Variants in STIP1 observed in about 807,000 individuals in gnomAD.
The protein encoded by STIP1 is stress induced phosphoprotein 1, also known as stress-induced-phosphoprotein 1.
STIP1 carries 16 observed loss-of-function variants against 77.4 expected under a neutral mutation model. That is an observed-to-expected ratio of 0.21 (90% CI 0.14 to 0.31). The LOEUF (loss-of-function observed/expected upper bound fraction) is 0.31. Among genes scored for constraint, STIP1 ranks in the 10% least tolerant of loss-of-function variants. The pLI is 1.00. For missense variants in STIP1, 524 were observed against 684.8 expected, an observed-to-expected ratio of 0.77 and a Z score of 2.62; for synonymous variants, 258 against 246.6, an observed-to-expected ratio of 1.05 and a Z score of -0.44.
intron 10 of STIP1, 61 bp downstream of exon 10, chr11:64,200,354 C>G: frequency 1.9e-6 from 3 of 1,548,574 alleles, no homozygotes; most frequent in African/African-American, 1.4e-5. Context: ...TGGGTTTTCT[C>G]TCTCTCTCCT....
In STIP1 at chr11:64,203,184, A is replaced by G; in HGVS notation, c.1342A>G (p.Met448Val). 1 of 1,614,230 alleles carries G rather than the reference A, an allele frequency of 6.2e-7. No homozygotes were observed. The highest frequency in any genetic ancestry group is 8.5e-7 in the Non-Finnish European group (1 of 1,180,048). Reference sequence around the variant, plus strand: ...AGCGATGAAGGACTACACCAAAGCCATGGATGTGTACCAGAAGGCGCTAGA... The same window carrying G: ...AGCGATGAAGGACTACACCAAAGCCGTGGATGTGTACCAGAAGGCGCTAGA... ...LEAMKDYTKA[M>V]DVYQKALDLD... The change falls in exon 12 of 14, where the codon ATG (methionine) becomes GTG (valine). Residue 448 changes from methionine to valine, a missense_variant. Coordinates refer to ENST00000305218, the MANE Select transcript of STIP1 (RefSeq NM_006819.3).
In STIP1 at chr11:64,203,528, G is replaced by A; in HGVS notation, c.1465G>A (p.Ala489Thr). The A allele has an allele frequency of 6.2e-7, 1 of 1,614,212 alleles. No homozygotes were observed. Among genetic ancestry groups the A allele is most frequent in the Non-Finnish European group, 8.5e-7 (1 of 1,180,040 alleles). The change falls in exon 13 of 14, where the codon GCC becomes ACC. Residue 489 changes from alanine (A) to threonine (T), a missense_variant. Coordinates refer to ENST00000305218, the MANE Select transcript of STIP1 (RefSeq NM_006819.3). ...HDSPEDVKRR[A>T]MADPEVQQIM... The stretch of plus-strand genomic sequence containing the variant: ...CAGCCCCGAAGATGTGAAGCGACGA[G>A]CCATGGCCGACCCTGAGGTGCAGCA...
intron 4 of STIP1, among the ~76,000 whole-genome samples, chr11:64,194,903 C>T (rs368095295): frequency 2.0e-5 from 3 of 152,190 alleles, no homozygotes; most frequent in South Asian, 4.1e-4. Flanking sequence ...TCTACTTAGG[C>T]CCTACTTTCT....
chr11:64,193,561 ATCACT>A (rs1946115748), intron 2 of STIP1: 4 of 430,274 alleles, frequency 9.3e-6, no homozygotes, highest in Non-Finnish European at 1.7e-5. Context: ...AGGTGGGCGG[ATCACT>A]TGAGGTCAGG....
At chr11:64,198,935 C>T (rs1305877761) in intron 8 of STIP1, among the ~76,000 whole-genome samples, 2 of 151,834 alleles carry the variant, frequency 1.3e-5, no homozygotes, top group Non-Finnish European at 2.9e-5. Flanking sequence ...TGCAGTGGCT[C>T]ACGCCTGTAA....
At chr11:64,190,238 ATC>A (rs1225231791) in intron 1 of STIP1, among the ~76,000 whole-genome samples, 1 of 151,922 alleles carries the variant, frequency 6.6e-6, no homozygotes, top group East Asian at 1.9e-4. Flanking sequence ...CAATGACGCA[ATC>A]TCAGCTTACT....
intron 1 of STIP1, among the ~76,000 whole-genome samples, chr11:64,190,681 G>A (rs1045047350): frequency 6.6e-6 from 1 of 152,090 alleles, no homozygotes; most frequent in African/African-American, 2.4e-5. Context: ...TAGTAACTTC[G>A]GTGACAACTC....
rs747004405 is a variant in STIP1, at chr11:64,197,326, C to T, written c.728C>T (p.Thr243Ile). Residue 243 changes from threonine to isoleucine, a missense_variant, in exon 6 of 14, where the codon ACA becomes ATA. Physicochemically the swap from Thr to Ile is moderately conservative, Grantham distance 89. Coordinates refer to ENST00000305218, the MANE Select transcript of STIP1 (RefSeq NM_006819.3). ...NDAYKKKDFD[T>I]ALKHYDKAKE... ...GCCTACAAGAAGAAAGACTTTGACA[C>T]AGCCTTGAAGCATTACGACAAAGCC... The T allele has an allele frequency of 1.4e-5, 23 of 1,613,926 alleles. No individual in the cohort carries two copies. In the East Asian group the frequency reaches 3.6e-4, roughly 25 times the overall value.
Position 64,204,179 on chromosome 11 carries a change from A to G in STIP1, c.*53A>G. ...CCCTCATGTGGAAAGAGGAGCTGGG[A>G]CCGCGGCGAGCAGCACGGAGCGGAA... On this transcript the variant is annotated 3_prime_UTR_variant, in exon 14 of 14. Transcript: ENST00000305218. 6.3e-7 allele frequency: 1 copy of G among 1,598,544 alleles called. No homozygotes were observed. The highest frequency in any genetic ancestry group is 8.6e-7 in the Non-Finnish European group (1 of 1,166,968).
intron 5 of STIP1, chr11:64,197,050 G>GT: frequency 1.7e-6 from 1 of 578,564 alleles, no homozygotes; most frequent in Non-Finnish European, 3.0e-6. Flanking sequence ...TAGGAGAGTA[G>GT]GTGGAAAAGG....
chr11:64,201,033 T>TC (rs1455348345), intron 10 of STIP1, among the ~76,000 whole-genome samples: 4 of 136,588 alleles, frequency 2.9e-5, no homozygotes, highest in African/African-American at 1.4e-4. Flanking sequence ...GGCCCCCTTT[T>TC]TTTAAAAAAA....
At chr11:64,193,332 C>T (rs759910661) in intron 2 of STIP1, 45 bp downstream of exon 2, 2 of 1,594,198 alleles carry the variant, frequency 1.3e-6, no homozygotes, top group African/African-American at 1.3e-5. Context: ...CAGACCCTTC[C>T]AGAAATGCCT....
intron 13 of STIP1, chr11:64,203,848 T>G (rs1430596564): frequency 5.2e-6 from 4 of 768,878 alleles, no homozygotes; most frequent in East Asian, 5.3e-5. Context: ...AGAAAGGTCT[T>G]GACTGGAAGC....
intron 10 of STIP1, among the ~76,000 whole-genome samples, chr11:64,200,955 G>A (rs1216505725): frequency 6.7e-6 from 1 of 149,478 alleles, no homozygotes; most frequent in East Asian, 2.0e-4. Flanking sequence ...TTGAATTCCT[G>A]ACTTCAGGTG....
chr11:64,202,400 AT>A (rs1174421253), intron 10 of STIP1: 132 of 101,888 alleles, frequency 1.3e-3, no homozygotes, highest in Middle Eastern at 5.2e-3. Flanking sequence ...AGGCCAGCAA[AT>A]TTTTTTTTTT....
upstream of STIP1, chr11:64,185,643 C>A (rs1353461350): frequency 8.8e-6 from 7 of 798,948 alleles, no homozygotes; most frequent in African/African-American, 5.2e-5. Context: ...GGGAAAGCAA[C>A]CCAGAGGCCC....
At chr11:64,199,606 A>G (rs1946193009) in intron 8 of STIP1, among the ~76,000 whole-genome samples, 1 of 128,990 alleles carries the variant, frequency 7.8e-6, no homozygotes, top group Admixed American at 9.0e-5. Flanking sequence ...TCTGTCACCC[A>G]GGCTGGAGTG....
At chr11:64,193,814 G>C (rs1469845179) in intron 2 of STIP1, among the ~76,000 whole-genome samples, 1 of 152,134 alleles carries the variant, frequency 6.6e-6, no homozygotes, top group East Asian at 1.9e-4. Flanking sequence ...CCGGTACAGT[G>C]GCTCACGCCT....
At position 64,195,868 on chromosome 11, in the gene STIP1, TATGTTGAATGGGG is replaced by T. The variant is rs754427224; in HGVS notation, c.672+57_672+69del. 6 of 1,607,418 alleles carry T rather than the reference TATGTTGAATGGGG, an allele frequency of 3.7e-6. No homozygotes were observed. The African/African-American group carries it at 8.0e-5, about 22-fold the overall frequency. On this transcript the variant is annotated intron_variant, in intron 5 of 13. Transcript: ENST00000305218. Reference sequence around the variant, plus strand: ...CTATCTATAAACAACTAGAAATCTTTATGTTGAATGGGGACATCTGTTGACCTTGATTGACCAT... The same window carrying T: ...CTATCTATAAACAACTAGAAATCTTTACATCTGTTGACCTTGATTGACCAT...
Sources: allele counts gnomAD v4.1 joint callset (sites outside exome capture counted in the v4.1 genomes callset), GRCh38; gene constraint gnomAD v4.1.1; transcripts MANE v1.5; gene names NCBI Gene and HGNC (gene_info 2026-07-23, HGNC 2026-07-21).